SNX1: variants seen among roughly 807,000 people sequenced by gnomAD.
The protein encoded by SNX1 is sorting nexin 1.
SNX1 carries 36 observed loss-of-function variants against 71.8 expected under a neutral mutation model. That is an observed-to-expected ratio of 0.50 (90% CI 0.38 to 0.66). The LOEUF (loss-of-function observed/expected upper bound fraction) is 0.66. SNX1 is among the 30% of genes least tolerant of loss of function. The probability of loss-of-function intolerance (pLI) is 0.00; values close to 1 mark genes in which losing one functional copy is unlikely to be tolerated. For missense variants in SNX1, 612 were observed against 646.7 expected (o/e 0.95, Z 0.58); for synonymous variants, 254 against 240.7 (o/e 1.06, Z -0.51).
intron 6 of SNX1, 31 bp from the exon 7 acceptor site, chr15:64,127,143 T>G: frequency 1.3e-6 from 2 of 1,498,140 alleles, no homozygotes; most frequent in Non-Finnish European, 1.9e-6. Context: ...TGATGATTTA[T>G]GGTTATTTTG....
intron 10 of SNX1, 70 bp from the exon 11 acceptor site, chr15:64,131,617 C>A: frequency 6.9e-7 from 1 of 1,457,296 alleles, no homozygotes; most frequent in South Asian, 1.2e-5. Flanking sequence ...ACATGCCATG[C>A]AGTGTCAGCT....
intron 13 of SNX1, 141 bp downstream of exon 13, chr15:64,136,551 G>C: frequency 8.2e-6 from 6 of 728,554 alleles, no homozygotes; most frequent in South Asian, 8.0e-5. Flanking sequence ...CTTCTTTGGG[G>C]GGGTGTGTGC....
chr15:64,125,705 A>G (rs1415632076), intron 5 of SNX1, among the ~76,000 whole-genome samples: 1 of 152,208 alleles, frequency 6.6e-6, no homozygotes, highest in African/African-American at 2.4e-5. Context: ...TTCTAGCTTT[A>G]AACTAGAACT....
At chr15:64,121,579 C>T (rs998452717) in intron 4 of SNX1, among the ~76,000 whole-genome samples, 1 of 152,152 alleles carries the variant, frequency 6.6e-6, no homozygotes. Context: ...TCAGTTACAT[C>T]GGTAAAGACC....
chr15:64,121,542 G>C (rs1023271207), intron 4 of SNX1, among the ~76,000 whole-genome samples: 7 of 152,176 alleles, frequency 4.6e-5, no homozygotes, highest in South Asian at 2.1e-4. Flanking sequence ...AGTGGAGTAG[G>C]GCCCACCCTA....
In SNX1 at chr15:64,139,684, ACT is replaced by A. The variant is rs767277743; in HGVS notation, c.*2067_*2068del. The A allele has an allele frequency of 3.3e-4, 50 of 150,038 alleles. No individual in the cohort carries two copies. Among genetic ancestry groups the A allele is most frequent in the Non-Finnish European group, 6.2e-4 (42 of 67,652 alleles). 9.3% of individuals were successfully genotyped at this position (150,038 alleles called of 1,614,324 possible). On this transcript the variant is annotated 3_prime_UTR_variant, in exon 15 of 15. Transcript: ENST00000559844. The stretch of plus-strand genomic sequence containing the variant: ...TCAGGAAGTTTAACAGTGATTTAAT[ACT>A]GTTATCTAACCCATGATTCATATTT...
At chr15:64,105,025 A>G (rs2081005410) in intron 1 of SNX1, among the ~76,000 whole-genome samples, 2 of 151,668 alleles carry the variant, frequency 1.3e-5, no homozygotes, top group African/African-American at 4.8e-5. Flanking sequence ...ACCTGAGGTC[A>G]GGAGTTCGAG....
chr15:64,098,856 C>T (rs1192650282), intron 1 of SNX1, among the ~76,000 whole-genome samples: 1 of 152,042 alleles, frequency 6.6e-6, no homozygotes, highest in South Asian at 2.1e-4. Flanking sequence ...TCAGAATGAC[C>T]TTGTTCTACT....
chr15:64,135,307 A>C (rs565387847), intron 12 of SNX1, among the ~76,000 whole-genome samples: 158 of 151,024 alleles, frequency 1.0e-3, no homozygotes, highest in African/African-American at 3.7e-3. Context: ...CCGTGTTAGT[A>C]GCCAAGATGG....
chr15:64,113,467 C>G (rs2081097919), intron 2 of SNX1, among the ~76,000 whole-genome samples: 1 of 152,102 alleles, frequency 6.6e-6, no homozygotes, highest in Non-Finnish European at 1.5e-5. Context: ...CAGGCCCTCA[C>G]AACAAGGAAT....
At chr15:64,109,890 A>G (rs955321722) in intron 1 of SNX1, among the ~76,000 whole-genome samples, 3 of 152,158 alleles carry the variant, frequency 2.0e-5, no homozygotes, top group Admixed American at 6.6e-5. Flanking sequence ...ACTCTTACAC[A>G]CTTCTGGGGG....
Position 64,096,175 on chromosome 15 carries a change from G to A in SNX1, c.159+3G>A. The A allele has an allele frequency of 6.5e-7, 1 of 1,550,016 alleles. No homozygotes were observed. The highest frequency in any genetic ancestry group is 8.7e-7 in the Non-Finnish European group (1 of 1,146,932). The stretch of plus-strand genomic sequence containing the variant: ...TTTTCACCGGCGCCGCGGTGGTCGT[G>A]AGTTTGCACCCCTCGGGGTAGCAGG... On this transcript the variant is annotated splice_donor_region_variant and intron_variant, in intron 1 of 14. Coordinates refer to ENST00000559844, the MANE Select transcript of SNX1 (RefSeq NM_003099.5).
chr15:64,136,040 G>C (rs569481598), intron 12 of SNX1, among the ~76,000 whole-genome samples: 1 of 152,308 alleles, frequency 6.6e-6, no homozygotes, highest in Non-Finnish European at 1.5e-5. Context: ...CAGCCCTGCT[G>C]GTGAGTACCT....
At chr15:64,136,470 G>A in intron 13 of SNX1, 60 bp downstream of exon 13, 1 of 1,393,812 alleles carries the variant, frequency 7.2e-7, no homozygotes, top group Non-Finnish European at 1.0e-6. Flanking sequence ...GAGTACTCTT[G>A]GTGTTGTCCA....
Position 64,134,612 on chromosome 15 carries a change from A to G in SNX1, c.1222-52A>G. ...GGAGAGCCTGCCTCGAGGCAGAGCC[A>G]GCAGAGCTCTTGAAGAGCTGGTTGT... On this transcript the variant is annotated intron_variant, in intron 11 of 14. Transcript: ENST00000559844. This position sits in a 1 kb window ranked among gnomAD's most constrained non-coding sequence, Gnocchi z 4.1. 1.3e-6 allele frequency: 2 copies of G among 1,569,460 alleles called. No homozygotes were observed. Among genetic ancestry groups the G allele is most frequent in the Non-Finnish European group, 1.7e-6 (2 of 1,155,074 alleles).
rs536712041 is a variant in SNX1, at chr15:64,114,939, A to G, written c.271+2255A>G. ...GGAAGATTCCTTGAGCCCAGGATTT[A>G]AGACCAGCCTGGGCAACGTAGCAAA... On this transcript the variant is annotated intron_variant, in intron 2 of 14. Transcript: ENST00000559844. 2.8e-4 allele frequency among the ~76,000 whole-genome samples: 42 copies of G among 152,300 alleles called. 1 individual carries two copies. In the East Asian group the frequency reaches 7.7e-3, roughly 28 times the overall value.
At chr15:64,124,178 A>ATATG (rs1445871067) in intron 5 of SNX1, among the ~76,000 whole-genome samples, 1 of 123,552 alleles carries the variant, frequency 8.1e-6, no homozygotes, top group African/African-American at 2.9e-5. Flanking sequence ...ATATATATAT[A>ATATG]TGACTGTTTT....
chr15:64,127,872 A>G (rs1032013322), intron 8 of SNX1, 66 bp downstream of exon 8: 6 of 1,220,100 alleles, frequency 4.9e-6, no homozygotes, highest in Non-Finnish European at 7.3e-6. Flanking sequence ...AAACTAGTTC[A>G]TTCCAAAAAT....
intron 7 of SNX1, 64 bp downstream of exon 7, chr15:64,127,316 C>T: frequency 7.8e-7 from 1 of 1,278,410 alleles, no homozygotes; most frequent in South Asian, 1.3e-5. Flanking sequence ...AAAAGTGAGT[C>T]TAAATGACGA....
Sources: allele counts gnomAD v4.1 joint callset (sites outside exome capture counted in the v4.1 genomes callset), GRCh38; gene constraint gnomAD v4.1.1; non-coding constraint Gnocchi (gnomAD v3.1); transcripts MANE v1.5; gene names NCBI Gene and HGNC (gene_info 2026-07-23, HGNC 2026-07-21).